COG4: variants seen among roughly 807,000 people sequenced by gnomAD.
COG4 encodes conserved oligomeric Golgi complex subunit 4.
In COG4, 65 loss-of-function variants were observed where a neutral mutation model predicts 95.1. The observed-to-expected ratio is 0.68, with a 90% CI of 0.56 to 0.84. The LOEUF is 0.84. COG4 is among the 40% of genes least tolerant of loss of function. The pLI, the probability that COG4 is intolerant of heterozygous loss-of-function variation, is 0.00. For missense variants in COG4, 1,045 were observed against 989.1 expected (o/e 1.06, Z -0.76); for synonymous variants, 421 against 374.8 (o/e 1.12, Z -1.42).
intron 8 of COG4, among the ~76,000 whole-genome samples, chr16:70,504,435 C>T (rs2049516761): frequency 1.3e-5 from 2 of 151,868 alleles, no homozygotes; most frequent in Admixed American, 1.3e-4. Context: ...GGTGAAACCC[C>T]CTCTCCACTA....
At chr16:70,514,639 A>G in intron 3 of COG4, 130 bp from the exon 4 acceptor site, 1 of 734,828 alleles carries the variant, frequency 1.4e-6, no homozygotes, top group Non-Finnish European at 2.4e-6. Context: ...CACCACCACT[A>G]CTGTTAACGC....
In COG4 at chr16:70,480,908, C is replaced by A; in HGVS notation, c.*102G>T. 1 of 1,416,770 alleles carries A rather than the reference C, an allele frequency of 7.1e-7. No individual in the cohort carries two copies. Among genetic ancestry groups the A allele is most frequent in the Non-Finnish European group, 9.8e-7 (1 of 1,015,998 alleles). 87.8% of individuals were successfully genotyped at this position (1,416,770 alleles called of 1,614,324 possible). A position where few individuals can be genotyped will look rare whatever the true frequency, so the allele number is the denominator to read the frequency against. On this transcript the variant is annotated 3_prime_UTR_variant, in exon 19 of 19. Coordinates refer to ENST00000323786, the MANE Select transcript of COG4 (RefSeq NM_015386.3). ...CCAGCCGTAGAAAGGTCTGGGCTGT[C>A]AGATCTCCCCCAAGCCAGACAGCCT...
intron 1 of COG4, 45 bp downstream of exon 1, chr16:70,523,328 C>G (rs373634263): frequency 6.2e-7 from 1 of 1,611,686 alleles, no homozygotes; most frequent in Non-Finnish European, 8.5e-7. Context: ...AAGGCTCCCA[C>G]TCTCCCTAGA....
intron 7 of COG4, 147 bp from the exon 8 acceptor site, chr16:70,508,611 T>A: frequency 1.4e-6 from 1 of 737,872 alleles, no homozygotes; most frequent in Non-Finnish European, 2.4e-6. Context: ...AGCAGTGGGC[T>A]TTCAGGATGA....
intron 5 of COG4, among the ~76,000 whole-genome samples, chr16:70,510,840 T>C (rs566436977): frequency 6.6e-6 from 1 of 151,794 alleles, no homozygotes; most frequent in South Asian, 2.1e-4. Context: ...CTTGGCTCAC[T>C]GCAACCTCTG....
intron 3 of COG4, chr16:70,516,146 T>C (rs764460201): frequency 2.5e-5 from 11 of 437,452 alleles, no homozygotes; most frequent in Non-Finnish European, 4.6e-5. Context: ...ATTATTAGGA[T>C]GGTGCAAAAG....
chr16:70,490,418 G>T, intron 12 of COG4, 26 bp from the exon 13 acceptor site: 2 of 1,598,932 alleles, frequency 1.3e-6, no homozygotes, highest in South Asian at 2.2e-5. Context: ...GGAAGAACGT[G>T]ACTTCCTGCT....
chr16:70,509,969 C>G lies in COG4; in HGVS notation c.791G>C (p.Ser264Thr). Residue 264 changes from serine to threonine, a missense_variant, in exon 6 of 19, where the codon AGT becomes ACT. Coordinates refer to ENST00000323786, the MANE Select transcript of COG4 (RefSeq NM_015386.3). Reference protein sequence around the residue: ...NLLMVLGTDMSDRRAAVIFAD... With the variant: ...NLLMVLGTDMTDRRAAVIFAD... ...AAAGATGACTGCAGCTCTCCGATCACTCATGTCTGTCCCCAGCACCATGAG... is the reference window on the plus strand; with the variant it reads ...AAAGATGACTGCAGCTCTCCGATCAGTCATGTCTGTCCCCAGCACCATGAG... 1 of 1,614,040 alleles carries G rather than the reference C, an allele frequency of 6.2e-7. No individual in the cohort carries two copies. Among genetic ancestry groups the G allele is most frequent in the Non-Finnish European group, 8.5e-7 (1 of 1,179,950 alleles).
At chr16:70,495,177 G>A (rs2049315398) in intron 12 of COG4, among the ~76,000 whole-genome samples, 1 of 151,260 alleles carries the variant, frequency 6.6e-6, no homozygotes, top group South Asian at 2.1e-4. Flanking sequence ...GATCACTTGA[G>A]GTCAGAAGTT....
intron 8 of COG4, among the ~76,000 whole-genome samples, 191 bp downstream of exon 8, chr16:70,508,215 G>C (rs567785475): frequency 1.3e-5 from 2 of 152,180 alleles, no homozygotes; most frequent in East Asian, 1.9e-4. Flanking sequence ...CACCGCGCCC[G>C]GCTGATTATG....
At chr16:70,494,167 A>C (rs1350214399) in intron 12 of COG4, among the ~76,000 whole-genome samples, 1 of 152,186 alleles carries the variant, frequency 6.6e-6, no homozygotes, top group Non-Finnish European at 1.5e-5. Context: ...ACAAGTTTCC[A>C]AATAACTGTC....
At chr16:70,481,698 G>C (rs541569070) in intron 17 of COG4, 66 bp downstream of exon 17, 163 of 1,432,428 alleles carry the variant, frequency 1.1e-4, no homozygotes, top group Middle Eastern at 8.7e-4. Flanking sequence ...TCCTGGGGGT[G>C]GTGGCATGAC....
At chr16:70,512,762 A>G (rs58885322) in intron 4 of COG4, among the ~76,000 whole-genome samples, 25,796 of 152,168 alleles carry the variant, frequency 0.17, 7,253 homozygotes, top group African/African-American at 0.58. Context: ...GCTGAATCAC[A>G]AGGTCAAGGG....
chr16:70,481,087 T>C lies in COG4; in HGVS notation c.2293A>G (p.Thr765Ala), dbSNP rs184431716. 41 of 1,613,234 alleles carry C rather than the reference T, an allele frequency of 2.5e-5. 1 individual carries two copies. In the Admixed American group the frequency reaches 6.5e-4, roughly 26 times the overall value. ...AGCACCTGGCGCACTTCAGCAGGGG[T>C]GAGGCGCCACGTCAATGGGCCGGAA... ...PNSGPLTWRL[T>A]PAEVRQVLAL... is the part of the protein sequence containing the mutation. The change falls in exon 19 of 19, where the codon ACC becomes GCC. Residue 765 changes from threonine (T) to alanine (A), a missense_variant. By Grantham distance (58) the Thr-to-Ala change is moderately conservative. Transcript: ENST00000323786.
At chr16:70,491,684 C>T (rs377698055) in intron 12 of COG4, among the ~76,000 whole-genome samples, 111 of 151,262 alleles carry the variant, frequency 7.3e-4, no homozygotes, top group Admixed American at 7.9e-4. Flanking sequence ...ATTAGCCAGG[C>T]GTGGTGGCGG....
At chr16:70,489,464 G>A (rs1237755976) in intron 13 of COG4, among the ~76,000 whole-genome samples, 1 of 150,208 alleles carries the variant, frequency 6.7e-6, no homozygotes, top group Non-Finnish European at 1.5e-5. Context: ...TGATCCACCC[G>A]CCTCAGCCTC....
At chr16:70,488,098 T>G (rs1009103651) in intron 13 of COG4, among the ~76,000 whole-genome samples, 1 of 152,154 alleles carries the variant, frequency 6.6e-6, no homozygotes, top group African/African-American at 2.4e-5. Context: ...GTGCTGGGGT[T>G]ATAGGTGTGA....
intron 8 of COG4, among the ~76,000 whole-genome samples, chr16:70,502,109 C>T (rs1441835524): frequency 6.7e-6 from 1 of 150,116 alleles, no homozygotes; most frequent in African/African-American, 2.5e-5. Flanking sequence ...TGGTGAAACC[C>T]CATTTCTACT....
chr16:70,490,374 C>G lies in COG4; in HGVS notation c.1666G>C (p.Glu556Gln). The G allele has an allele frequency of 6.2e-7, 1 of 1,613,874 alleles. No individual in the cohort carries two copies. The highest frequency in any genetic ancestry group is 8.5e-7 in the Non-Finnish European group (1 of 1,179,800). Reference protein sequence around the residue: ...MSFLVTLNNVEVCSENISTLK... With the variant: ...MSFLVTLNNVQVCSENISTLK... The stretch of plus-strand genomic sequence containing the variant: ...GTGGAGATGTTTTCACTGCAGACTT[C>G]CACGTTGTTCAGAGTCACCTGGGAG... Residue 556 changes from glutamate to glutamine, a missense_variant, in exon 13 of 19, where the codon GAA becomes CAA. Glu to Gln is a conservative substitution (Grantham distance 29). Transcript: ENST00000323786.
Sources: gnomAD v4.1 joint callset for allele counts (sites outside exome capture counted in the v4.1 genomes callset) on GRCh38, gnomAD v4.1.1 for gene constraint, MANE v1.5 for transcripts, NCBI Gene and HGNC (gene_info 2026-07-23, HGNC 2026-07-21) for gene names.